The following UTRN variants were observed in gnomAD, a reference collection of about 807,000 sequenced individuals.
UTRN encodes dystrophin-related protein 1.
In UTRN, 283 loss-of-function variants were observed where a neutral mutation model predicts 463.9. That is an observed-to-expected ratio of 0.61 (90% CI 0.55 to 0.67). The LOEUF is 0.67. Ranked by LOEUF, UTRN falls within the 30% of genes least tolerant of loss-of-function variation. The probability of loss-of-function intolerance (pLI) is 0.00; values close to 1 mark genes in which losing one functional copy is unlikely to be tolerated. For missense variants in UTRN, 3,922 were observed against 4,084.3 expected (o/e 0.96, Z 1.08); for synonymous variants, 1,442 against 1,431.5 (o/e 1.01, Z -0.17).
intron 35 of UTRN, among the ~76,000 whole-genome samples, chr6:144,513,013 C>A (rs1396642995): frequency 6.6e-6 from 1 of 152,156 alleles, no homozygotes; most frequent in African/African-American, 2.4e-5. Context: ...TAACTTCTTG[C>A]CTTAGATTAA....
intron 2 of UTRN, among the ~76,000 whole-genome samples, chr6:144,322,057 T>C (rs1045379519): frequency 6.6e-6 from 1 of 152,200 alleles, no homozygotes; most frequent in Non-Finnish European, 1.5e-5. Flanking sequence ...AGCACCCGGC[T>C]GCCCATACTC....
chr6:144,461,312 C>A lies in UTRN; in HGVS notation c.2823C>A (p.Ala941=), dbSNP rs371957813. 27 of 1,585,756 alleles carry A rather than the reference C, an allele frequency of 1.7e-5. No individual in the cohort carries two copies. Among genetic ancestry groups the A allele is most frequent in the Non-Finnish European group, 2.2e-5 (26 of 1,164,474 alleles). Residue 941 remains alanine, a synonymous_variant, in exon 22 of 75, where the codon GCC becomes GCA. Coordinates refer to ENST00000367545, the MANE Select transcript of UTRN (RefSeq NM_007124.3). The part of the protein sequence containing the change: ...QVSLNVLNDL[A]KVEKALQEKK... ...CTCTGAATGTCCTTAATGATCTTGC[C>A]AAGGTGGAGAAGGCCCTGCAAGAAA...
chr6:144,500,781 A>T (rs1794101589), intron 34 of UTRN, among the ~76,000 whole-genome samples: 1 of 152,236 alleles, frequency 6.6e-6, no homozygotes, highest in Admixed American at 6.5e-5. Flanking sequence ...GAGATTAGAA[A>T]GTTGATTTGC....
chr6:144,645,760 T>C (rs560444162), intron 51 of UTRN, among the ~76,000 whole-genome samples: 8 of 152,232 alleles, frequency 5.3e-5, no homozygotes, highest in African/African-American at 1.9e-4. Flanking sequence ...GAAAGCTGTG[T>C]TGGTGATGTG....
intron 72 of UTRN, among the ~76,000 whole-genome samples, chr6:144,839,845 T>TATC (rs1467832162): frequency 1.3e-5 from 2 of 152,186 alleles, no homozygotes; most frequent in Non-Finnish European, 2.9e-5. Flanking sequence ...GACATTTTGT[T>TATC]ATCAATTAAA....
chr6:144,423,667 C>T, intron 5 of UTRN, 41 bp downstream of exon 5: 1 of 1,603,334 alleles, frequency 6.2e-7, no homozygotes, highest in East Asian at 2.2e-5. Context: ...GTGCTGCCAT[C>T]AGCATTATTT....
At chr6:144,673,236 T>A (rs983747645) in intron 51 of UTRN, among the ~76,000 whole-genome samples, 1 of 152,164 alleles carries the variant, frequency 6.6e-6, no homozygotes, top group East Asian at 1.9e-4. Flanking sequence ...TTGTTGACTT[T>A]CTGTCTTGAT....
rs909080855 is a variant in UTRN, at chr6:144,349,363, C to T, written c.80-53760C>T. 9.9e-5 allele frequency among the ~76,000 whole-genome samples: 15 copies of T among 152,230 alleles called. No individual in the cohort carries two copies. In the South Asian group the frequency reaches 2.9e-3, roughly 29 times the overall value. Reference sequence around the variant, plus strand: ...CCCTCAAGATCTGGGTTTCCATTACCCCTGCCATCGTCAGGGTAAGTCACT... The same window carrying T: ...CCCTCAAGATCTGGGTTTCCATTACTCCTGCCATCGTCAGGGTAAGTCACT... On this transcript the variant is annotated intron_variant, in intron 2 of 74. Transcript: ENST00000367545.
chr6:144,822,622 A>G (rs1779700880), intron 66 of UTRN, among the ~76,000 whole-genome samples: 1 of 152,172 alleles, frequency 6.6e-6, no homozygotes, highest in South Asian at 2.1e-4. Context: ...GAATACATTC[A>G]GGAACAGTAG....
chr6:144,718,251 C>T (rs1469667382), intron 53 of UTRN, among the ~76,000 whole-genome samples: 3 of 152,102 alleles, frequency 2.0e-5, no homozygotes, highest in Admixed American at 6.5e-5. Flanking sequence ...AGGAGGATCA[C>T]TTGAGGCCAG....
chr6:144,506,304 T>C (rs193105924), intron 34 of UTRN, among the ~76,000 whole-genome samples: 5 of 152,336 alleles, frequency 3.3e-5, no homozygotes, highest in African/African-American at 9.6e-5. Flanking sequence ...CCTGTCATTA[T>C]GATGTTATCT....
At chr6:144,706,407 A>T (rs374652017) in intron 53 of UTRN, among the ~76,000 whole-genome samples, 5 of 152,116 alleles carry the variant, frequency 3.3e-5, no homozygotes, top group Non-Finnish European at 4.4e-5. Flanking sequence ...CATGAGAGGC[A>T]CAGTGTAGTT....
chr6:144,540,034 C>T (rs1797855326), intron 45 of UTRN, among the ~76,000 whole-genome samples: 1 of 132,088 alleles, frequency 7.6e-6, no homozygotes, highest in African/African-American at 3.1e-5. Flanking sequence ...GACAGGGAGA[C>T]CCTGTCTCAA....
chr6:144,678,192 TATA>T, intron 51 of UTRN, among the ~76,000 whole-genome samples: 1 of 152,192 alleles, frequency 6.6e-6, no homozygotes, highest in East Asian at 1.9e-4. Context: ...AAAGAGCCTG[TATA>T]GCCAAGACAA....
intron 10 of UTRN, among the ~76,000 whole-genome samples, chr6:144,437,110 G>A (rs773973284): frequency 1.8e-4 from 28 of 151,446 alleles, no homozygotes; most frequent in Non-Finnish European, 3.8e-4. Flanking sequence ...GTGCCACCAC[G>A]CCCGGCTAAT....
intron 51 of UTRN, among the ~76,000 whole-genome samples, chr6:144,596,360 T>C (rs1237141853): frequency 2.0e-5 from 3 of 152,174 alleles, no homozygotes; most frequent in African/African-American, 7.2e-5. Flanking sequence ...AGTTTTCCTG[T>C]GGGTATTGAA....
rs58099859 is a variant in UTRN at position 144,392,998 on chromosome 6, G to GCCATCCATCCAT, written c.80-10084_80-10073dup. On this transcript the variant is annotated intron_variant, in intron 2 of 74. Transcript: ENST00000367545. The stretch of plus-strand genomic sequence containing the variant: ...CCAGGGCAAGGCTTTGTGTCCAGCT[G>GCCATCCATCCAT]CCATCCATCCATCCATCCATCCATC... Among the ~76,000 whole-genome samples the GCCATCCATCCAT allele has an allele frequency of 8.0e-5, 12 of 150,194 alleles. No homozygotes were observed. The East Asian group carries it at 9.8e-4, about 12-fold the overall frequency.
At chr6:144,539,558 A>G in intron 45 of UTRN, 115 bp downstream of exon 45, 2 of 1,026,894 alleles carry the variant, frequency 1.9e-6, no homozygotes, top group South Asian at 1.9e-5. Flanking sequence ...AAATTTTACT[A>G]AAGCTTACTA....
chr6:144,437,771 C>G, intron 11 of UTRN, 25 bp downstream of exon 11: 1 of 1,594,380 alleles, frequency 6.3e-7, no homozygotes, highest in South Asian at 1.1e-5. Flanking sequence ...AAGAAATGCA[C>G]TTAATTCCAC....
Sources: gnomAD v4.1 joint callset for allele counts (sites outside exome capture counted in the v4.1 genomes callset) on GRCh38, gnomAD v4.1.1 for gene constraint, MANE v1.5 for transcripts, NCBI Gene and HGNC (gene_info 2026-07-23, HGNC 2026-07-21) for gene names.